Variants in MDM2 observed in about 807,000 individuals in gnomAD.
The protein encoded by MDM2 is MDM2 proto-oncogene.
MDM2 carries 11 observed loss-of-function variants against 64.3 expected under a neutral mutation model. The observed-to-expected ratio is 0.17, with a 90% CI of 0.11 to 0.28. The LOEUF is 0.28. Among genes scored for constraint, MDM2 ranks in the 10% least tolerant of loss-of-function variants. The pLI is 1.00. For synonymous variants in MDM2, 194 were observed against 192.9 expected (o/e 1.01, Z -0.05); for missense variants, 388 against 577.1 (o/e 0.67, Z 3.36).
chr12:68,815,029 C>T (rs1881227362), intron 3 of MDM2, among the ~76,000 whole-genome samples: 1 of 152,194 alleles, frequency 6.6e-6, no homozygotes, highest in Admixed American at 6.5e-5. Flanking sequence ...TTTCCCACTG[C>T]TGGACAGCAA....
chr12:68,808,874 G>T (rs916891049), intron 1 of MDM2: 1 of 1,356,602 alleles, frequency 7.4e-7, no homozygotes, highest in Non-Finnish European at 9.5e-7. Flanking sequence ...GTCTGGGCGG[G>T]ATTGGGCCGG....
At chr12:68,810,032 C>T (rs1199079216) in intron 2 of MDM2, among the ~76,000 whole-genome samples, 1 of 152,146 alleles carries the variant, frequency 6.6e-6, no homozygotes, top group African/African-American at 2.4e-5. Flanking sequence ...GAATTATAGG[C>T]TGGCCTCGGT....
In MDM2 at chr12:68,813,500, C is replaced by T; in HGVS notation, c.100-54C>T. The T allele has an allele frequency of 2.4e-6, 3 of 1,248,866 alleles. No individual in the cohort carries two copies. The South Asian group carries it at 3.8e-5, about 16-fold the overall frequency. The allele number at this position is 1,248,866 out of a possible 1,614,324, so 77.4% of individuals were successfully genotyped here. On this transcript the variant is annotated intron_variant, in intron 2 of 10. Coordinates refer to ENST00000258149, the MANE Select transcript of MDM2 (RefSeq NM_002392.6). ...TTGATGGATATGTTTGCTGCAGGGC[C>T]TATAGTTCTGGGATAATTTTGGAAG... is the stretch of plus-strand genomic sequence containing the variant.
At chr12:68,847,945 A>G (rs1884446170), downstream of MDM2, 1 of 152,358 alleles carries the variant, frequency 6.6e-6, no homozygotes, top group African/African-American at 2.4e-5. Flanking sequence ...AAGGAGGATC[A>G]CTTGAGGCCA....
chr12:68,808,897 G>A lies in MDM2; in HGVS notation c.15-311G>A, dbSNP rs909799443. ...GGGATTGGGCCGGTTCAGTGGGCAGGTTGACTCAGCTTTTCCTCTTGAGCT... is the reference window on the plus strand; with the variant it reads ...GGGATTGGGCCGGTTCAGTGGGCAGATTGACTCAGCTTTTCCTCTTGAGCT... On this transcript the variant is annotated intron_variant, in intron 1 of 10. Transcript: ENST00000258149. 3.7e-6 allele frequency: 5 copies of A among 1,361,350 alleles called. No individual in the cohort carries two copies. In the Admixed American group the frequency reaches 1.4e-4, roughly 38 times the overall value. 84.3% of individuals were successfully genotyped at this position (1,361,350 alleles called of 1,614,324 possible).
intron 3 of MDM2, among the ~76,000 whole-genome samples, chr12:68,816,194 G>GT (rs1346397101): frequency 6.6e-6 from 1 of 151,948 alleles, no homozygotes; most frequent in Non-Finnish European, 1.5e-5. Flanking sequence ...TTGGCTATCA[G>GT]TTTTTTATTT....
Position 68,824,296 on chromosome 12 carries a change from C to G in MDM2, c.359-67C>G, listed in dbSNP as rs1410248605. Reference sequence around the variant, plus strand: ...GGTTTGTGTTAGACTGATAGCATATCTACTGAGTAGCGCCCCGCCGCCCCC... The same window carrying G: ...GGTTTGTGTTAGACTGATAGCATATGTACTGAGTAGCGCCCCGCCGCCCCC... On this transcript the variant is annotated intron_variant, in intron 5 of 10. Transcript: ENST00000258149. 8 of 1,078,690 alleles carry G rather than the reference C, an allele frequency of 7.4e-6. No homozygotes were observed. In the Admixed American group the frequency reaches 1.6e-4, roughly 21 times the overall value. The allele number at this position is 1,078,690 out of a possible 1,614,324, so 66.8% of individuals were successfully genotyped here. A position where few individuals can be genotyped will look rare whatever the true frequency, so the allele number is the denominator to read the frequency against.
chr12:68,850,523 A>C (rs1003052220), downstream of MDM2: 2 of 152,210 alleles, frequency 1.3e-5, no homozygotes, highest in African/African-American at 4.8e-5. Context: ...CAAAGAGCAG[A>C]TGTAAGCTTG....
rs1392457309 is a variant in MDM2, at chr12:68,843,453, G to A, written c.*3604G>A. 3.9e-5 allele frequency: 9 copies of A among 228,290 alleles called. No individual in the cohort carries two copies. The highest frequency in any genetic ancestry group is 6.6e-5 in the African/African-American group (3 of 45,134). The allele number at this position is 228,290 out of a possible 1,614,324, so 14.1% of individuals were successfully genotyped here. Reference sequence around the variant, plus strand: ...GTACATACACCATATTTACAATTATGTATTTAACATTTAAAATTTCTAATA... The same window carrying A: ...GTACATACACCATATTTACAATTATATATTTAACATTTAAAATTTCTAATA... On this transcript the variant is annotated 3_prime_UTR_variant, in exon 11 of 11. Transcript: ENST00000258149.
chr12:68,836,973 T>C (rs1883358420), intron 10 of MDM2, among the ~76,000 whole-genome samples: 1 of 147,652 alleles, frequency 6.8e-6, no homozygotes, highest in Non-Finnish European at 1.5e-5. Context: ...TTTTTTTTTT[T>C]AAACAGGGTC....
intron 8 of MDM2, among the ~76,000 whole-genome samples, chr12:68,832,670 A>T (rs774279471): frequency 1.4e-5 from 2 of 145,122 alleles, no homozygotes; most frequent in Non-Finnish European, 3.0e-5. Flanking sequence ...GCACCACCAC[A>T]CCTGGCTAAT....
chr12:68,844,547 A>G lies in MDM2; in HGVS notation c.*4698A>G. ...AGCCACCGTACCACTTGTCAGCGTG[A>G]AAAGTAAGATTGTAATTGCCTGTTT... On this transcript the variant is annotated 3_prime_UTR_variant, in exon 11 of 11. Transcript: ENST00000258149. 4.4e-6 allele frequency: 1 copy of G among 227,816 alleles called. No homozygotes were observed. The highest frequency in any genetic ancestry group is 6.3e-5 in the East Asian group (1 of 15,956). 14.1% of individuals were successfully genotyped at this position (227,816 alleles called of 1,614,324 possible). A position where few individuals can be genotyped will look rare whatever the true frequency, so the allele number is the denominator to read the frequency against.
chr12:68,821,904 T>A (rs1881888154), intron 5 of MDM2, among the ~76,000 whole-genome samples: 1 of 152,110 alleles, frequency 6.6e-6, no homozygotes, highest in South Asian at 2.1e-4. Flanking sequence ...GTCACCCTGC[T>A]TGAAGTGCAG....
chr12:68,817,129 G>A (rs569324904), intron 4 of MDM2, 184 bp downstream of exon 4: 16 of 569,356 alleles, frequency 2.8e-5, no homozygotes, highest in African/African-American at 2.4e-4. Context: ...ATAAACCAGT[G>A]TTTGAAACCT....
intron 10 of MDM2, 121 bp from the exon 11 acceptor site, chr12:68,839,153 A>G: frequency 1.2e-6 from 1 of 834,374 alleles, no homozygotes; most frequent in East Asian, 2.6e-5. Flanking sequence ...ATAAAACATG[A>G]AACACTGAAT....
Position 68,839,859 on chromosome 12 carries a change from CTA to C in MDM2, c.*13_*14del. The C allele has an allele frequency of 6.2e-7, 1 of 1,609,024 alleles. No individual in the cohort carries two copies. The highest frequency in any genetic ancestry group is 8.5e-7 in the Non-Finnish European group (1 of 1,176,876). On this transcript the variant is annotated 3_prime_UTR_variant, in exon 11 of 11. Coordinates refer to ENST00000258149, the MANE Select transcript of MDM2 (RefSeq NM_002392.6). The stretch of plus-strand genomic sequence containing the variant: ...AACTTATTTCCCCTAGTTGACCTGT[CTA>C]TAAGAGAATTATATATTTCTAACTA...
At chr12:68,808,950 G>T in intron 1 of MDM2, 1 of 1,385,126 alleles carries the variant, frequency 7.2e-7, no homozygotes. Context: ...TTCCGAAACT[G>T]CAGTAAAAGG....
intron 2 of MDM2, among the ~76,000 whole-genome samples, chr12:68,812,197 TAAAAA>T (rs56187630): frequency 2.0e-5 from 3 of 149,044 alleles, no homozygotes; most frequent in South Asian, 4.2e-4. Flanking sequence ...TAAGCACAGT[TAAAAA>T]AAAAAAAAGT....
rs1884183791 is a variant in MDM2, at chr12:68,845,210, AGAAAAAGT to A, written c.*5362_*5369del. On this transcript the variant is annotated 3_prime_UTR_variant, in exon 11 of 11. Coordinates refer to ENST00000258149, the MANE Select transcript of MDM2 (RefSeq NM_002392.6). ...ACATTTTGATTTGATACTTATAAAAAGAAAAAGTATTTCTTCAGCTTAAAAAATTGTTT... is the reference window on the plus strand; with the variant it reads ...ACATTTTGATTTGATACTTATAAAAAATTTCTTCAGCTTAAAAAATTGTTT... 1 of 123,776 alleles carries A rather than the reference AGAAAAAGT, an allele frequency of 8.1e-6. No individual in the cohort carries two copies. The highest frequency in any genetic ancestry group is 5.8e-5 in the African/African-American group (1 of 17,222). 7.7% of individuals were successfully genotyped at this position (123,776 alleles called of 1,614,324 possible).
Sources: gnomAD v4.1 joint callset for allele counts (sites outside exome capture counted in the v4.1 genomes callset) on GRCh38, gnomAD v4.1.1 for gene constraint, MANE v1.5 for transcripts, NCBI Gene and HGNC (gene_info 2026-07-23, HGNC 2026-07-21) for gene names.